The following PRUNE2 variants were observed in gnomAD, a reference collection of about 807,000 sequenced individuals.
PRUNE2 encodes prune homolog 2 with BCH domain, also known as protein prune homolog 2.
Under a neutral mutation model 252.0 loss-of-function variants are expected in PRUNE2, and 164 were observed. The observed-to-expected ratio is 0.65, with a 90% CI of 0.57 to 0.74. The LOEUF is 0.74. Ranked by LOEUF, PRUNE2 falls within the 30% of genes least tolerant of loss-of-function variation. The pLI, the probability that PRUNE2 is intolerant of heterozygous loss-of-function variation, is 0.00. For synonymous variants in PRUNE2, 1,292 were observed against 1,350.2 expected (o/e 0.96, Z 0.94); for missense variants, 3,495 against 3,711.0 (o/e 0.94, Z 1.51).
intron 6 of PRUNE2, among the ~76,000 whole-genome samples, chr9:76,744,207 T>C (rs1290936914): frequency 6.6e-6 from 1 of 152,242 alleles, no homozygotes; most frequent in Non-Finnish European, 1.5e-5. Context: ...GTTATTATAA[T>C]CATTTATTCT....
rs116210971 is a variant in PRUNE2 at position 76,651,309 on chromosome 9, G to C, written c.8557+1174C>G. On this transcript the variant is annotated intron_variant, in intron 11 of 18. Coordinates refer to ENST00000376718, the MANE Select transcript of PRUNE2 (RefSeq NM_015225.3). ...GAAATAAAGCCTTAAGCTCTGTCAA[G>C]GTAGAGTCTGAACTGCACTGCTCAT... Among the ~76,000 whole-genome samples the C allele has an allele frequency of 4.3e-3, 655 of 152,226 alleles. 4 individuals are homozygous for C. The highest frequency in any genetic ancestry group is 0.015 in the African/African-American group (635 of 41,528).
intron 6 of PRUNE2, among the ~76,000 whole-genome samples, chr9:76,800,204 C>G (rs1589292147): frequency 6.6e-6 from 1 of 152,144 alleles, no homozygotes; most frequent in South Asian, 2.1e-4. Flanking sequence ...TCCCCCATAC[C>G]CCCACCCCGC....
chr9:76,787,760 G>A (rs1304517649), intron 6 of PRUNE2, among the ~76,000 whole-genome samples: 1 of 152,118 alleles, frequency 6.6e-6, no homozygotes, highest in East Asian at 1.9e-4. Context: ...TGGCCTCCAC[G>A]ATGCTTTCAT....
chr9:76,793,724 C>T (rs2055779268), intron 6 of PRUNE2, among the ~76,000 whole-genome samples: 1 of 152,100 alleles, frequency 6.6e-6, no homozygotes, highest in African/African-American at 2.4e-5. Context: ...TGTTCCTACA[C>T]CCTGCCCATT....
intron 6 of PRUNE2, chr9:76,778,347 A>G (rs2054020832): frequency 6.6e-6 from 1 of 152,212 alleles, no homozygotes; most frequent in African/African-American, 2.4e-5. Flanking sequence ...CAAATTCAAT[A>G]AATTAATTCA....
chr9:76,710,812 C>G lies in PRUNE2; in HGVS notation c.1462G>C (p.Gly488Arg), dbSNP rs561301973. 3.8e-6 allele frequency: 6 copies of G among 1,571,950 alleles called. No individual in the cohort carries two copies. Among genetic ancestry groups the G allele is most frequent in the Non-Finnish European group, 3.4e-6 (4 of 1,160,612 alleles). Residue 488 changes from glycine to arginine, a missense_variant, in exon 8 of 19, where the codon GGT becomes CGT. By Grantham distance (125) the Gly-to-Arg change is moderately radical (BLOSUM62 -2). Transcript: ENST00000376718. ...AAATTGAAGAGGTCGAAGTGCTCAC[C>G]GTGTTCTCCAGACCATGCATGTTCC... ...AEEHAWSGEH[G>R]EHFDLFNFDP...
chr9:76,765,114 G>A (rs762957239), intron 6 of PRUNE2, among the ~76,000 whole-genome samples: 4 of 152,168 alleles, frequency 2.6e-5, no homozygotes, highest in Non-Finnish European at 4.4e-5. Flanking sequence ...ATTTGTTGGG[G>A]GCGTGACATT....
chr9:76,642,703 T>C (rs190688922), intron 12 of PRUNE2, among the ~76,000 whole-genome samples: 2 of 152,344 alleles, frequency 1.3e-5, no homozygotes, highest in East Asian at 3.9e-4. Context: ...TTTTCATCAT[T>C]ATGGTCTAAG....
At chr9:76,792,700 G>A (rs951593411) in intron 6 of PRUNE2, among the ~76,000 whole-genome samples, 1 of 152,102 alleles carries the variant, frequency 6.6e-6, no homozygotes, top group Non-Finnish European at 1.5e-5. Flanking sequence ...AGCTATTTAA[G>A]TCTTTTGTTC....
intron 6 of PRUNE2, among the ~76,000 whole-genome samples, chr9:76,793,249 T>C (rs2055732140): frequency 6.6e-6 from 1 of 152,156 alleles, no homozygotes; most frequent in Non-Finnish European, 1.5e-5. Flanking sequence ...AAGTAAATAA[T>C]GTAAATAATT....
intron 6 of PRUNE2, chr9:76,758,494 T>C (rs1162762355): frequency 6.7e-6 from 1 of 150,336 alleles, no homozygotes; most frequent in Non-Finnish European, 1.5e-5. Flanking sequence ...TGTTATATCT[T>C]TAAAAAAATT....
intron 12 of PRUNE2, among the ~76,000 whole-genome samples, 195 bp from the exon 13 acceptor site, chr9:76,638,483 GT>G (rs2132661015): frequency 6.6e-6 from 1 of 152,258 alleles, no homozygotes; most frequent in Non-Finnish European, 1.5e-5. Flanking sequence ...TAACATCTAT[GT>G]TTTATAGAGT....
At chr9:76,851,337 G>A (rs1260619435) in intron 2 of PRUNE2, among the ~76,000 whole-genome samples, 1 of 152,172 alleles carries the variant, frequency 6.6e-6, no homozygotes, top group Non-Finnish European at 1.5e-5. Context: ...CACGAGGTCA[G>A]GAGATCGAGA....
At chr9:76,905,024 C>A (rs1284240045) in intron 1 of PRUNE2, among the ~76,000 whole-genome samples, 2 of 152,214 alleles carry the variant, frequency 1.3e-5, no homozygotes, top group African/African-American at 4.8e-5. Context: ...GCATTTCTTT[C>A]TATGCCAGGC....
At chr9:76,722,316 T>G (rs1331931926) in intron 6 of PRUNE2, among the ~76,000 whole-genome samples, 1 of 151,584 alleles carries the variant, frequency 6.6e-6, no homozygotes, top group Admixed American at 6.6e-5. Flanking sequence ...GTGATCCTCC[T>G]GTCTCAGCCT....
intron 1 of PRUNE2, among the ~76,000 whole-genome samples, chr9:76,859,761 T>C (rs146075209): frequency 0.014 from 2,141 of 152,084 alleles, 53 homozygotes; most frequent in African/African-American, 0.049. Flanking sequence ...TAGGCTGGAG[T>C]GCAATGGCAT....
rs145525047 is a variant in PRUNE2, at chr9:76,732,298, C to T, written c.757-18577G>A. On this transcript the variant is annotated intron_variant, in intron 6 of 18. Coordinates refer to ENST00000376718, the MANE Select transcript of PRUNE2 (RefSeq NM_015225.3). Reference sequence around the variant, plus strand: ...CTCCAGCCTGGGGGGCAGAGCGAGACTCCGTCTCAAAAAAGTAAAAATAAA... The same window carrying T: ...CTCCAGCCTGGGGGGCAGAGCGAGATTCCGTCTCAAAAAAGTAAAAATAAA... Among the ~76,000 whole-genome samples the T allele has an allele frequency of 5.8e-3, 882 of 152,218 alleles. 5 individuals carry two copies. Among genetic ancestry groups the T allele is most frequent in the Non-Finnish European group, 1.0e-2 (678 of 68,014 alleles).
intron 12 of PRUNE2, among the ~76,000 whole-genome samples, chr9:76,640,447 T>C (rs1002155164): frequency 2.6e-5 from 4 of 152,208 alleles, no homozygotes; most frequent in African/African-American, 9.6e-5. Context: ...CTACAAGTGG[T>C]GATACGGTGT....
In PRUNE2 at chr9:76,708,427, G is replaced by A. The variant is rs2046462881; in HGVS notation, c.3847C>T (p.Leu1283Phe). The A allele has an allele frequency of 1.9e-6, 3 of 1,613,830 alleles. No individual in the cohort carries two copies. Among genetic ancestry groups the A allele is most frequent in the South Asian group, 1.1e-5 (1 of 91,082 alleles). ...TCCCTCTCTGTGTCCTGCTTGTCAA[G>A]ATGAGATATAAGTGCCTCTGATTCA... ...TSESEALISH[L>F]DKQDTERETL... is the part of the protein sequence containing the mutation. Residue 1283 changes from leucine (L) to phenylalanine (F), a missense_variant, in exon 8 of 19, where the codon CTT becomes TTT. Leu to Phe is a conservative substitution (Grantham distance 22). Transcript: ENST00000376718.
Sources: gnomAD v4.1 joint callset for allele counts (sites outside exome capture counted in the v4.1 genomes callset) on GRCh38, gnomAD v4.1.1 for gene constraint, MANE v1.5 for transcripts, NCBI Gene and HGNC (gene_info 2026-07-23, HGNC 2026-07-21) for gene names.